UNC5D: variants seen among roughly 807,000 people sequenced by gnomAD.
UNC5D encodes netrin receptor UNC5D.
UNC5D carries 39 observed loss-of-function variants against 105.4 expected under a neutral mutation model. That is an observed-to-expected ratio of 0.37 (90% CI 0.29 to 0.48). The LOEUF (loss-of-function observed/expected upper bound fraction) is 0.48, where lower values mean the gene tolerates loss of function less well. Among genes scored for constraint, UNC5D ranks in the 20% least tolerant of loss-of-function variants. The pLI is 0.98. For synonymous variants in UNC5D, 452 were observed against 450.4 expected (o/e 1.00, Z -0.04); for missense variants, 991 against 1,202.4 (o/e 0.82, Z 2.60).
At chr8:35,743,605 T>G (rs781744199) in intron 11 of UNC5D, among the ~76,000 whole-genome samples, 3 of 151,854 alleles carry the variant, frequency 2.0e-5, no homozygotes, top group Non-Finnish European at 2.9e-5. Flanking sequence ...AAAAAAAATT[T>G]TTTTTAAATC....
At chr8:35,342,505 G>A (rs544364475) in intron 1 of UNC5D, among the ~76,000 whole-genome samples, 17 of 152,232 alleles carry the variant, frequency 1.1e-4, no homozygotes, top group Admixed American at 3.3e-4. Flanking sequence ...CACAGATTTG[G>A]TCTGTCAGAT....
chr8:35,575,391 TC>T (rs1160596069), intron 3 of UNC5D, among the ~76,000 whole-genome samples: 1 of 152,198 alleles, frequency 6.6e-6, no homozygotes, highest in Non-Finnish European at 1.5e-5. Flanking sequence ...TAACATGGCA[TC>T]TGGCTTCTTA....
At position 35,795,100 on chromosome 8, in the gene UNC5D, A is replaced by G. The variant is rs1480006390; in HGVS notation, c.*4537A>G. 1.3e-5 allele frequency: 2 copies of G among 152,188 alleles called. No homozygotes were observed. The highest frequency in any genetic ancestry group is 2.4e-5 in the African/African-American group (1 of 41,448). The allele number at this position is 152,188 out of a possible 1,614,324, so 9.4% of individuals were successfully genotyped here. A position where few individuals can be genotyped will look rare whatever the true frequency, so the allele number is the denominator to read the frequency against. On this transcript the variant is annotated 3_prime_UTR_variant, in exon 17 of 17. Coordinates refer to ENST00000404895, the MANE Select transcript of UNC5D (RefSeq NM_080872.4). ...CCCGCCCTCCATCTGACCCAAAGAT[A>G]AAAAAGGCATCAAGCTTCATGGTTA...
At chr8:35,475,809 T>A (rs1291277411) in intron 1 of UNC5D, among the ~76,000 whole-genome samples, 1 of 152,216 alleles carries the variant, frequency 6.6e-6, no homozygotes, top group African/African-American at 2.4e-5. Context: ...TCCCTTTTAC[T>A]GTTCTGTGCA....
intron 8 of UNC5D, among the ~76,000 whole-genome samples, chr8:35,709,199 T>C (rs189469701): frequency 1.8e-3 from 281 of 152,206 alleles, no homozygotes; most frequent in African/African-American, 6.6e-3. Flanking sequence ...TGGTGGAGAA[T>C]CAACACTGAG....
At chr8:35,312,415 T>C (rs1384018061) in intron 1 of UNC5D, among the ~76,000 whole-genome samples, 1 of 152,184 alleles carries the variant, frequency 6.6e-6, no homozygotes, top group Admixed American at 6.6e-5. Flanking sequence ...TGCTTCTCCT[T>C]GATGACTTTA....
At chr8:35,248,907 T>A (rs972732286) in intron 1 of UNC5D, among the ~76,000 whole-genome samples, 13 of 91,172 alleles carry the variant, frequency 1.4e-4, no homozygotes, top group African/African-American at 4.4e-4. Context: ...TATAATATAT[T>A]ATATATAAAC....
chr8:35,268,864 T>A (rs1534586), intron 1 of UNC5D, among the ~76,000 whole-genome samples: 124,697 of 152,058 alleles, frequency 0.82, 51,576 homozygotes, highest in East Asian at 1. Flanking sequence ...GACATTACTG[T>A]ATGTATTTTC....
intron 1 of UNC5D, among the ~76,000 whole-genome samples, chr8:35,320,611 T>G (rs1306690251): frequency 6.6e-6 from 1 of 152,118 alleles, no homozygotes; most frequent in Non-Finnish European, 1.5e-5. Context: ...TGCTGTTATG[T>G]GATGCTGTAC....
chr8:35,402,667 T>C (rs763380177), intron 1 of UNC5D, among the ~76,000 whole-genome samples: 14 of 152,140 alleles, frequency 9.2e-5, no homozygotes, highest in Non-Finnish European at 1.9e-4. Context: ...TGATAATGGC[T>C]TCTCATCCTG....
chr8:35,630,701 G>T (rs562603040), intron 4 of UNC5D, among the ~76,000 whole-genome samples: 1 of 152,064 alleles, frequency 6.6e-6, no homozygotes, highest in Non-Finnish European at 1.5e-5. Context: ...TTCGTAAGGC[G>T]GGAAAAAGGC....
At chr8:35,408,712 A>G (rs1394912332) in intron 1 of UNC5D, among the ~76,000 whole-genome samples, 1 of 152,028 alleles carries the variant, frequency 6.6e-6, no homozygotes, top group East Asian at 1.9e-4. Context: ...ACATTCACCC[A>G]TAAAACTTAA....
At chr8:35,426,069 T>G (rs1011200863) in intron 1 of UNC5D, among the ~76,000 whole-genome samples, 61 of 152,304 alleles carry the variant, frequency 4.0e-4, no homozygotes, top group African/African-American at 1.5e-3. Flanking sequence ...ATTTTCTCCT[T>G]TGTTGAAACC....
chr8:35,391,943 A>C (rs1329054754), intron 1 of UNC5D, among the ~76,000 whole-genome samples: 2 of 152,216 alleles, frequency 1.3e-5, no homozygotes, highest in African/African-American at 4.8e-5. Context: ...CAGGGACTGA[A>C]GACTATAGTG....
At chr8:35,473,097 AC>A (rs1809852109) in intron 1 of UNC5D, among the ~76,000 whole-genome samples, 1 of 152,190 alleles carries the variant, frequency 6.6e-6, no homozygotes, top group South Asian at 2.1e-4. Flanking sequence ...AAAATAGATA[AC>A]AAAACTTCCA....
chr8:35,423,040 T>A (rs1258904807), intron 1 of UNC5D, among the ~76,000 whole-genome samples: 1 of 152,238 alleles, frequency 6.6e-6, no homozygotes, highest in Non-Finnish European at 1.5e-5. Context: ...GTTTTGTACT[T>A]GTCCTCCAGT....
chr8:35,589,640 C>A (rs545116839), intron 3 of UNC5D, among the ~76,000 whole-genome samples: 2 of 152,218 alleles, frequency 1.3e-5, no homozygotes, highest in African/African-American at 4.8e-5. Context: ...CTTCTCTTTG[C>A]TGTCCTTCCC....
chr8:35,253,512 A>T (rs1803861153), intron 1 of UNC5D, among the ~76,000 whole-genome samples: 1 of 108,832 alleles, frequency 9.2e-6, no homozygotes, highest in Non-Finnish European at 1.7e-5. Flanking sequence ...TTTGAGACAG[A>T]GTCTTGCTCT....
At chr8:35,406,769 C>T (rs2128954813) in intron 1 of UNC5D, among the ~76,000 whole-genome samples, 1 of 152,222 alleles carries the variant, frequency 6.6e-6, no homozygotes, top group African/African-American at 2.4e-5. Context: ...GTGTCTTGTT[C>T]AAGATCCTAT....
Sources: gnomAD v4.1 joint callset for allele counts (sites outside exome capture counted in the v4.1 genomes callset) on GRCh38, gnomAD v4.1.1 for gene constraint, MANE v1.5 for transcripts, NCBI Gene and HGNC (gene_info 2026-07-23, HGNC 2026-07-21) for gene names.